Variants in MLC1 observed in about 807,000 individuals in gnomAD.
The protein encoded by MLC1 is membrane protein MLC1.
MLC1 carries 32 observed loss-of-function variants against 44.7 expected under a neutral mutation model. The observed-to-expected ratio is 0.72, with a 90% CI of 0.54 to 0.96. MLC1 has a LOEUF of 0.96. MLC1 is among the 40% of genes least tolerant of loss of function. MLC1 has a pLI of 0.00. For missense variants in MLC1, 459 were observed against 492.2 expected (o/e 0.93, Z 0.64); for synonymous variants, 190 against 213.0 (o/e 0.89, Z 0.94).
At chr22:50,070,241 G>A (rs1186556715) in intron 9 of MLC1, among the ~76,000 whole-genome samples, 4 of 152,152 alleles carry the variant, frequency 2.6e-5, no homozygotes, top group African/African-American at 7.2e-5. Flanking sequence ...CTTAGGAGGT[G>A]CAGATGATGC....
chr22:50,070,387 C>T, intron 9 of MLC1, 140 bp downstream of exon 9: 2 of 857,070 alleles, frequency 2.3e-6, no homozygotes, highest in Non-Finnish European at 3.8e-6. Flanking sequence ...ACCCCACCTT[C>T]CTCATTGTGC....
intron 3 of MLC1, among the ~76,000 whole-genome samples, chr22:50,081,009 A>AAAGAAAGAAAGAAAGAAAG (rs1555967987): frequency 4.1e-5 from 4 of 96,740 alleles, no homozygotes; most frequent in African/African-American, 1.4e-4. Context: ...TTGTCTCAAA[A>AAAGAAAGAAAGAAAGAAAG]AAAGAAAGAA....
chr22:50,084,778 C>G lies in MLC1; in HGVS notation c.125G>C (p.Arg42Thr), dbSNP rs1442319800. ...CTTGTGGCTGAAGCAGGGGGGCAGT[C>G]TCTTCGACAGCTGCAGGTCGCTCGG... is the stretch of plus-strand genomic sequence containing the variant. ...AKPSDLQLSK[R>T]LPPCFSHKTW... The change falls in exon 2 of 12, where the codon AGA becomes ACA. Residue 42 changes from arginine (R) to threonine (T), a missense_variant. By Grantham distance (71) the Arg-to-Thr change is moderately conservative. Transcript: ENST00000311597. The G allele has an allele frequency of 2.9e-5, 47 of 1,614,014 alleles. No homozygotes were observed. Among genetic ancestry groups the G allele is most frequent in the Non-Finnish European group, 3.9e-5 (46 of 1,180,048 alleles).
At chr22:50,076,235 T>A (rs1213931726) in intron 7 of MLC1, among the ~76,000 whole-genome samples, 1 of 151,994 alleles carries the variant, frequency 6.6e-6, no homozygotes, top group East Asian at 1.9e-4. Flanking sequence ...TATACCAAAG[T>A]ACAAGGCAAG....
chr22:50,070,983 G>A (rs78868798), intron 8 of MLC1, among the ~76,000 whole-genome samples: 40 of 152,310 alleles, frequency 2.6e-4, no homozygotes, highest in Non-Finnish European at 5.1e-4. Context: ...GCACACTCTT[G>A]CACACACCCA....
chr22:50,080,895 C>T (rs553926924), intron 3 of MLC1, among the ~76,000 whole-genome samples: 63 of 152,126 alleles, frequency 4.1e-4, no homozygotes, highest in Admixed American at 1.4e-3. Flanking sequence ...CAGTGGCTCA[C>T]ACCTCTAGTC....
intron 8 of MLC1, among the ~76,000 whole-genome samples, chr22:50,073,999 A>G (rs1048625163): frequency 1.3e-5 from 2 of 152,210 alleles, no homozygotes; most frequent in Non-Finnish European, 2.9e-5. Context: ...TTCAGGAAAA[A>G]TAATATAAAA....
At chr22:50,075,810 G>C (rs2061966443) in intron 7 of MLC1, among the ~76,000 whole-genome samples, 1 of 152,044 alleles carries the variant, frequency 6.6e-6, no homozygotes, top group African/African-American at 2.4e-5. Context: ...AACACACACA[G>C]ACACAGTCAA....
At position 50,077,450 on chromosome 22, in the gene MLC1, G is replaced by A. The variant is rs777239986; in HGVS notation, c.476C>T (p.Thr159Met). Residue 159 changes from threonine (T) to methionine (M), a missense_variant, in exon 6 of 12, where the codon ACG becomes ATG. By Grantham distance (81) the Thr-to-Met change is moderately conservative. Transcript: ENST00000311597. Reference sequence around the variant, plus strand: ...GCTGGACCGTGCAGCGATGATCACCGTGGCCGCCATGAGCAGCTCCAGCAG... The same window carrying A: ...GCTGGACCGTGCAGCGATGATCACCATGGCCGCCATGAGCAGCTCCAGCAG... ...LLLLELLMAA[T>M]VIIAARSSEE... The A allele has an allele frequency of 2.9e-5, 47 of 1,613,740 alleles. 1 individual carries two copies. The South Asian group carries it at 3.0e-4, about 10-fold the overall frequency.
At chr22:50,077,763 G>T (rs1381436461) in intron 5 of MLC1, among the ~76,000 whole-genome samples, 2 of 152,178 alleles carry the variant, frequency 1.3e-5, no homozygotes, top group Non-Finnish European at 2.9e-5. Flanking sequence ...TTTGGCCTTG[G>T]GCTCTGGTCT....
rs1359414387 is a variant in MLC1 at position 50,084,840 on chromosome 22, GC to G, written c.62del (p.Gly21AlafsTer37). ...AYDRMPTLER[G>X]RQDPASYAPD... ...GGGCATAGCTGGCGGGGTCTTGCCG[GC>G]CCCGCTCCAGCGTGGGCATCCGGTC... On this transcript the variant is annotated frameshift_variant, in exon 2 of 12. Coordinates refer to ENST00000311597, the MANE Select transcript of MLC1 (RefSeq NM_015166.4). LOFTEE classifies it high-confidence loss of function. 6.2e-7 allele frequency: 1 copy of G among 1,613,480 alleles called. No individual in the cohort carries two copies. The highest frequency in any genetic ancestry group is 8.5e-7 in the Non-Finnish European group (1 of 1,180,048).
At chr22:50,073,165 C>A (rs2146851115) in intron 8 of MLC1, among the ~76,000 whole-genome samples, 1 of 152,382 alleles carries the variant, frequency 6.6e-6, no homozygotes, top group South Asian at 2.1e-4. Flanking sequence ...AGGCATGGGC[C>A]TCGGCAGCTT....
chr22:50,069,569 C>T (rs185937171), intron 9 of MLC1, among the ~76,000 whole-genome samples: 22 of 151,998 alleles, frequency 1.4e-4, no homozygotes, highest in Non-Finnish European at 2.2e-4. Flanking sequence ...TCGCTTGAAC[C>T]CGGGAGGCAG....
Position 50,077,207 on chromosome 22 carries a change from C to T in MLC1, c.525+194G>A, listed in dbSNP as rs146322059. Among the ~76,000 whole-genome samples the T allele has an allele frequency of 7.1e-3, 1,076 of 152,260 alleles. 4 individuals are homozygous for T. Among genetic ancestry groups the T allele is most frequent in the Middle Eastern group, 0.014 (4 of 294 alleles). ...TCTGTCTTCACCTCCCTGTAGCCAG[C>T]GGCCGCCAACCCCTCACCCAGCTCC... On this transcript the variant is annotated intron_variant, in intron 6 of 11. Transcript: ENST00000311597.
chr22:50,085,038 A>C, intron 1 of MLC1, 77 bp from the exon 2 acceptor site: 1 of 1,505,342 alleles, frequency 6.6e-7, no homozygotes, highest in South Asian at 1.2e-5. Flanking sequence ...ATTTTTTAAC[A>C]AAAGAAATAT....
intron 1 of MLC1, 154 bp from the exon 2 acceptor site, chr22:50,085,115 A>G: frequency 1.4e-6 from 2 of 1,432,754 alleles, no homozygotes; most frequent in South Asian, 3.0e-5. Flanking sequence ...GTGAAAAAGA[A>G]ATAACTTTCC....
intron 8 of MLC1, among the ~76,000 whole-genome samples, chr22:50,071,343 C>T (rs909350983): frequency 2.6e-5 from 4 of 152,152 alleles, no homozygotes; most frequent in South Asian, 2.1e-4. Flanking sequence ...CCGCCCGCCT[C>T]GGCCTCCCAA....
intron 7 of MLC1, 52 bp downstream of exon 7, chr22:50,076,789 G>A: frequency 6.3e-7 from 1 of 1,586,074 alleles, no homozygotes; most frequent in Non-Finnish European, 8.7e-7. Flanking sequence ...TCCAGCCTCA[G>A]TCACCCCCGA....
chr22:50,071,238 C>T (rs1264653023), intron 8 of MLC1, among the ~76,000 whole-genome samples: 3 of 151,958 alleles, frequency 2.0e-5, no homozygotes, highest in Non-Finnish European at 4.4e-5. Flanking sequence ...ATTATAGGCA[C>T]CCACCACTAC....
Sources: gnomAD v4.1 joint callset for allele counts (sites outside exome capture counted in the v4.1 genomes callset) on GRCh38, gnomAD v4.1.1 for gene constraint, MANE v1.5 for transcripts, NCBI Gene and HGNC (gene_info 2026-07-23, HGNC 2026-07-21) for gene names.